Variants in NEB observed in about 807,000 individuals in gnomAD.
NEB encodes nebulin.
In NEB, 512 loss-of-function variants were observed where a neutral mutation model predicts 952.2. That is an observed-to-expected ratio of 0.54 (90% CI 0.50 to 0.58). The LOEUF is 0.58. Ranked by LOEUF, NEB falls within the 20% of genes least tolerant of loss-of-function variation. The pLI, the probability that NEB is intolerant of heterozygous loss-of-function variation, is 0.00. For synonymous variants in NEB, 2,900 were observed against 3,149.8 expected (o/e 0.92, Z 2.66); for missense variants, 8,428 against 9,231.1 (o/e 0.91, Z 3.56).
Position 151,611,133 on chromosome 2 carries a change from T to C in NEB, c.11806-267A>G, listed in dbSNP as rs184684039. ...TTAGTAATTCTTTTCATCCACTGAA[T>C]CACAAGCTTATTCAGATATCCAAAG... On this transcript the variant is annotated intron_variant, in intron 78 of 181. Transcript: ENST00000397345. Among the ~76,000 whole-genome samples, 346 of 152,262 alleles carry C rather than the reference T, an allele frequency of 2.3e-3. 2 individuals are homozygous for C. The highest frequency in any genetic ancestry group is 7.8e-3 in the African/African-American group (326 of 41,546).
intron 41 of NEB, 54 bp downstream of exon 41, chr2:151,666,036 G>GC (rs2099213001): frequency 2.0e-6 from 3 of 1,534,602 alleles, no homozygotes; most frequent in African/African-American, 2.7e-5. Flanking sequence ...AGTGGCTCCT[G>GC]TTTTTTCCTC....
rs1553646403 is a variant in NEB, at chr2:151,526,014, GTGT to G, written c.22102_22104del (p.Thr7368del). 6.2e-7 allele frequency: 1 copy of G among 1,614,004 alleles called. No individual in the cohort carries two copies. The highest frequency in any genetic ancestry group is 8.5e-7 in the Non-Finnish European group (1 of 1,179,866). On this transcript the variant is annotated inframe_deletion, in exon 150 of 182. Transcript: ENST00000397345. Reference sequence around the variant, plus strand: ...TGAACAGTGTCCCGGGTCTCTGGTAGTGTTGTGTATGAGCCCTGTGCCAAGTGC... The same window carrying G: ...TGAACAGTGTCCCGGGTCTCTGGTAGTGTGTATGAGCCCTGTGCCAAGTGC...
Position 151,727,695 on chromosome 2 carries a change from C to T in NEB, c.290G>A (p.Ser97Asn), listed in dbSNP as rs1287259842. ...AHSQKMQDLFSPNKYKEKFEK... is the reference protein window; with the variant it reads ...AHSQKMQDLFNPNKYKEKFEK... ...CAGAAGTTGTTTGAAACTTACTGGGCTAAAAAGATCCTGCATTTTCTGACT... is the reference window on the plus strand; with the variant it reads ...CAGAAGTTGTTTGAAACTTACTGGGTTAAAAAGATCCTGCATTTTCTGACT... The change falls in exon 5 of 182, where the codon AGC (serine) becomes AAC (asparagine). Residue 97 changes from serine to asparagine, a missense_variant. Transcript: ENST00000397345. 6.2e-7 allele frequency: 1 copy of T among 1,611,844 alleles called. No individual in the cohort carries two copies. Among genetic ancestry groups the T allele is most frequent in the Admixed American group, 1.7e-5 (1 of 59,896 alleles).
intron 27 of NEB, 116 bp from the exon 28 acceptor site, chr2:151,685,091 G>T: frequency 8.8e-7 from 1 of 1,142,032 alleles, no homozygotes; most frequent in Non-Finnish European, 1.2e-6. Context: ...CATCTGAGTA[G>T]TTATTTTGCC....
At position 151,697,539 on chromosome 2, in the gene NEB, C is replaced by T. The variant is rs778034716; in HGVS notation, c.1257+5G>A. The T allele has an allele frequency of 1.2e-6, 2 of 1,609,062 alleles. No homozygotes were observed. Among genetic ancestry groups the T allele is most frequent in the South Asian group, 2.2e-5 (2 of 90,558 alleles). ...AACAGAAAGAGTGACAGTAGGATTG[C>T]TTACATCACTACTGAAGTTCTGCAG... is the stretch of plus-strand genomic sequence containing the variant. On this transcript the variant is annotated splice_donor_5th_base_variant and intron_variant, in intron 14 of 181. Coordinates refer to ENST00000397345, the MANE Select transcript of NEB (RefSeq NM_001164508.2).
At chr2:151,619,372 T>A in intron 73 of NEB, 79 bp downstream of exon 73, 1 of 1,365,682 alleles carries the variant, frequency 7.3e-7, no homozygotes, top group African/African-American at 1.5e-5. Context: ...CAAATTGCAG[T>A]TCATTGGCAC....
chr2:151,663,874 G>A lies in NEB; in HGVS notation c.5452-15C>T. The A allele has an allele frequency of 6.2e-7, 1 of 1,600,448 alleles. No individual in the cohort carries two copies. Among genetic ancestry groups the A allele is most frequent in the Non-Finnish European group, 8.5e-7 (1 of 1,170,644 alleles). On this transcript the variant is annotated splice_polypyrimidine_tract_variant and intron_variant, in intron 44 of 181. Transcript: ENST00000397345. ...TTGTATTTGTACTGTGGACAGAGAA[G>A]AAATTATGGTGATGAAAATGGTAAA...
chr2:151,518,254 T>A (rs1453368814), intron 156 of NEB, 64 bp downstream of exon 156: 14 of 1,197,096 alleles, frequency 1.2e-5, no homozygotes, highest in Admixed American at 1.7e-5. Flanking sequence ...TCTATGAAAT[T>A]TTTTTTCACA....
At chr2:151,706,722 G>A (rs2099708040) in intron 13 of NEB, among the ~76,000 whole-genome samples, 159 bp downstream of exon 13, 1 of 152,060 alleles carries the variant, frequency 6.6e-6, no homozygotes, top group Admixed American at 6.5e-5. Context: ...GTACTCAGAG[G>A]GACTCATGCC....
chr2:151,714,857 T>C (rs1204762006), intron 10 of NEB, among the ~76,000 whole-genome samples: 3 of 152,162 alleles, frequency 2.0e-5, no homozygotes, highest in South Asian at 2.1e-4. Context: ...GGAGGGAAGA[T>C]AGTACCAAAG....
intron 71 of NEB, among the ~76,000 whole-genome samples, chr2:151,623,968 T>C (rs1437207669): frequency 6.6e-6 from 1 of 152,180 alleles, no homozygotes; most frequent in Admixed American, 6.5e-5. Flanking sequence ...GGATGTATTT[T>C]AAAGCTTGTT....
chr2:151,540,563 C>A, intron 137 of NEB, 115 bp from the exon 138 acceptor site: 2 of 1,108,612 alleles, frequency 1.8e-6, no homozygotes, highest in South Asian at 1.5e-5. Context: ...AAGAGAATAG[C>A]TCTGCCTTTT....
At chr2:151,635,707 CAAAAAAAA>C in intron 64 of NEB, among the ~76,000 whole-genome samples, 1 of 86,014 alleles carries the variant, frequency 1.2e-5, no homozygotes, top group South Asian at 4.0e-4. Context: ...ACTCTGTCTC[CAAAAAAAA>C]AAAAAAAAAA....
At chr2:151,562,862 G>T in intron 119 of NEB, 54 bp from the exon 120 acceptor site, 1 of 1,293,222 alleles carries the variant, frequency 7.7e-7, no homozygotes, top group Non-Finnish European at 1.1e-6. Context: ...AAATTATTCA[G>T]ATCAATGTCT....
At chr2:151,513,492 C>T in intron 160 of NEB, 88 bp downstream of exon 160, 3 of 935,988 alleles carry the variant, frequency 3.2e-6, no homozygotes, top group Non-Finnish European at 3.3e-6. Context: ...GTGACTGTCA[C>T]CAATAAATCA....
intron 39 of NEB, among the ~76,000 whole-genome samples, chr2:151,668,448 A>G (rs2099247130): frequency 6.6e-6 from 1 of 152,196 alleles, no homozygotes; most frequent in Non-Finnish European, 1.5e-5. Context: ...GAGCCTAAAA[A>G]CATTGGAAAG....
intron 172 of NEB, among the ~76,000 whole-genome samples, chr2:151,496,646 A>G (rs766381298): frequency 6.6e-6 from 1 of 152,118 alleles, no homozygotes; most frequent in Non-Finnish European, 1.5e-5. Flanking sequence ...GGTGCCTCCT[A>G]AACAATCACA....
intron 105 of NEB, among the ~76,000 whole-genome samples, chr2:151,577,342 T>A (rs1417217837): frequency 6.6e-6 from 1 of 152,160 alleles, no homozygotes; most frequent in Non-Finnish European, 1.5e-5. Flanking sequence ...TTTCAATTCG[T>A]AGTCTCATCA....
intron 13 of NEB, among the ~76,000 whole-genome samples, chr2:151,698,680 C>A (rs2149417948): frequency 6.7e-6 from 1 of 148,174 alleles, no homozygotes; most frequent in Admixed American, 6.7e-5. Flanking sequence ...CTCTGTTGCC[C>A]AGGCTGGAGT....
Sources: gnomAD v4.1 joint callset for allele counts (sites outside exome capture counted in the v4.1 genomes callset) on GRCh38, gnomAD v4.1.1 for gene constraint, MANE v1.5 for transcripts, NCBI Gene and HGNC (gene_info 2026-07-23, HGNC 2026-07-21) for gene names.